HUWE1: variants seen among roughly 807,000 people sequenced by gnomAD.
The protein encoded by HUWE1 is HECT, UBA and WWE domain containing E3 ubiquitin protein ligase 1.
HUWE1 carries 18 observed loss-of-function variants against 299.4 expected under a neutral mutation model. The ratio of observed to expected loss-of-function variants is 0.06; its 90% CI spans 0.04 to 0.09. HUWE1 has a LOEUF of 0.09. Among genes scored for constraint, HUWE1 ranks in the 10% least tolerant of loss-of-function variants. The pLI is 1.00. For missense variants in HUWE1, 1,832 were observed against 3,462.3 expected, an observed-to-expected ratio of 0.53 and a Z score of 11.82; for synonymous variants, 1,317 against 1,286.1, an observed-to-expected ratio of 1.02 and a Z score of -0.51.
chrX:53,560,149 C>A (rs782053721), intron 56 of HUWE1, 39 bp downstream of exon 56: 17 of 1,092,964 alleles, frequency 1.6e-5, no homozygotes, highest in African/African-American at 5.5e-5. Context: ...AAAATTCTTA[C>A]AAGAGCTCCG....
chrX:53,542,986 T>C (rs1329459944), intron 73 of HUWE1: 2 of 119,702 alleles, frequency 1.7e-5, no homozygotes, highest in African/African-American at 6.6e-5. Flanking sequence ...CAACCTCTCA[T>C]GAGCGGGATT....
intron 28 of HUWE1, among the ~76,000 whole-genome samples, chrX:53,602,334 GTTTT>G (rs78904716): frequency 1.1e-5 from 1 of 93,601 alleles, no homozygotes; most frequent in African/African-American, 3.9e-5. Context: ...CTTCCAAAAT[GTTTT>G]TTTTTTTTTT....
rs879987940 is a variant in HUWE1 at position 53,604,752 on chromosome X, C to T, written c.2579G>A (p.Arg860His). Residue 860 changes from arginine (R) to histidine (H), a missense_variant, in exon 26 of 84, where the codon CGC becomes CAC. By Grantham distance (29) the Arg-to-His change is conservative. Around this residue, in one of 15 missense-constraint regions of HUWE1, gnomAD observed 658 missense variants for 1,282.6 expected, o/e 0.51. Transcript: ENST00000262854. ...SILSSLEPLH[R>H]PIESPGGSVL... The stretch of plus-strand genomic sequence containing the variant: ...TGAGCCCCCAGGGGATTCAATGGGG[C>T]GGTGTAAGGGCTCCAGGGAGGAGAG... 2 of 1,211,176 alleles carry T rather than the reference C, an allele frequency of 1.7e-6. No homozygotes were observed. Among genetic ancestry groups the T allele is most frequent in the East Asian group, 3.0e-5 (1 of 33,837 alleles).
intron 49 of HUWE1, among the ~76,000 whole-genome samples, chrX:53,566,270 AG>A (rs782773315): frequency 3.8e-5 from 4 of 105,497 alleles, no homozygotes; most frequent in Non-Finnish European, 7.8e-5. Flanking sequence ...GGAAGGGATA[AG>A]GTAAGCCTGG....
rs1272859181 is a variant in HUWE1 at position 53,648,550 on chromosome X, C to CA, written c.46-241dup. On this transcript the variant is annotated intron_variant, in intron 4 of 83. Coordinates refer to ENST00000262854, the MANE Select transcript of HUWE1 (RefSeq NM_031407.7). Reference sequence around the variant, plus strand: ...AAAAACAAAAAAAAACAAAAAAAAACAAAAAACAAAACAAAAACCCACCTT... The same window carrying CA: ...AAAAACAAAAAAAAACAAAAAAAAACAAAAAAACAAAACAAAAACCCACCTT... 2.6e-4 allele frequency among the ~76,000 whole-genome samples: 25 copies of CA among 96,367 alleles called. 1 individual carries two copies. The highest frequency in any genetic ancestry group is 9.5e-4 in the African/African-American group (22 of 23,083). 83.7% of individuals were successfully genotyped at this position (96,367 alleles called of 115,157 possible).
At chrX:53,553,953 T>C (rs1425491819) in intron 61 of HUWE1, among the ~76,000 whole-genome samples, 1 of 111,646 alleles carries the variant, frequency 9.0e-6, no homozygotes, top group Non-Finnish European at 1.9e-5. Flanking sequence ...ATTTATCCTG[T>C]TGAAATACTG....
At chrX:53,556,437 T>C (rs1308533921) in intron 60 of HUWE1, 6 of 314,888 alleles carry the variant, frequency 1.9e-5, no homozygotes, top group Non-Finnish European at 3.7e-5. Context: ...TCTACCCTAC[T>C]TCACTGCTTT....
chrX:53,551,246 C>A lies in HUWE1; in HGVS notation c.9096+20G>T, dbSNP rs1207621472. 7.4e-6 allele frequency: 9 copies of A among 1,208,428 alleles called. No individual in the cohort carries two copies. Among genetic ancestry groups the A allele is most frequent in the Non-Finnish European group, 8.9e-6 (8 of 894,248 alleles). ...TCTCCTGCCAGGCAGCCTGGCCCCA[C>A]CACCTTCCCGCTCACATACTTCCTC... On this transcript the variant is annotated intron_variant, in intron 64 of 83. Transcript: ENST00000262854.
rs782056280 is a variant in HUWE1 at position 53,583,871 on chromosome X, C to A, written c.5207G>T (p.Ser1736Ile). The A allele has an allele frequency of 1.7e-6, 2 of 1,207,191 alleles. No individual in the cohort carries two copies. The highest frequency in any genetic ancestry group is 1.8e-5 in the South Asian group (1 of 56,401). The change falls in exon 42 of 84, where the codon AGC becomes ATC. Residue 1736 changes from serine to isoleucine, a missense_variant. By Grantham distance (142) the Ser-to-Ile change is moderately radical (BLOSUM62 -2). Coordinates refer to ENST00000262854, the MANE Select transcript of HUWE1 (RefSeq NM_031407.7). ...LESTNTEKET[S>I]LEETKIGEIL... ...CTCCCCGATTTTTGTTTCCTCCAGG[C>A]TTGTCTCCTTTTCAGTGTTTGTACT...
chrX:53,652,464 T>C, intron 4 of HUWE1, among the ~76,000 whole-genome samples: 1 of 112,204 alleles, frequency 8.9e-6, no homozygotes, highest in Admixed American at 9.4e-5. Context: ...AGTTCTTATA[T>C]ACACTAGGAT....
chrX:53,584,790 A>G (rs782155277), intron 40 of HUWE1, among the ~76,000 whole-genome samples: 17 of 111,877 alleles, frequency 1.5e-4, no homozygotes, highest in African/African-American at 5.2e-4. Context: ...CTTTTTGATA[A>G]AGTTTACAGT....
At chrX:53,591,236 G>C in intron 33 of HUWE1, 114 bp from the exon 34 acceptor site, 3 of 798,741 alleles carry the variant, frequency 3.8e-6, no homozygotes, top group Non-Finnish European at 5.5e-6. Context: ...TCTGGGCTGA[G>C]AGCATTTATG....
chrX:53,544,569 C>CCAG lies in HUWE1; in HGVS notation c.11241_11242insCTG (p.Thr3747_Gly3748insLeu). 1 of 1,206,760 alleles carries CCAG rather than the reference C, an allele frequency of 8.3e-7. No homozygotes were observed. On this transcript the variant is annotated inframe_insertion, in exon 72 of 84. Transcript: ENST00000262854. ...CACTCTAGTTCCATACCTAGCCTGC[C>CCAG]TGTCTGCTTGGCTTTCTTGTTAGCC... is the stretch of plus-strand genomic sequence containing the variant.
At chrX:53,630,112 C>T (rs888206094) in intron 12 of HUWE1, among the ~76,000 whole-genome samples, 1 of 111,872 alleles carries the variant, frequency 8.9e-6, no homozygotes, top group Non-Finnish European at 1.9e-5. Context: ...TAATACCGGA[C>T]ACAGTACCCT....
At chrX:53,571,517 A>C (rs1405331682) in intron 47 of HUWE1, among the ~76,000 whole-genome samples, 2 of 111,496 alleles carry the variant, frequency 1.8e-5, no homozygotes, top group Non-Finnish European at 3.8e-5. Context: ...TGGGAGGATC[A>C]CTTGAGCCTG....
chrX:53,630,324 A>G (rs782244133), intron 12 of HUWE1, among the ~76,000 whole-genome samples: 1 of 111,937 alleles, frequency 8.9e-6, no homozygotes, highest in South Asian at 3.7e-4. Flanking sequence ...TTACCATTTT[A>G]TATCTTCTAT....
At chrX:53,537,726 G>C (rs1046145672) in intron 77 of HUWE1, 30 bp from the exon 78 acceptor site, 16 of 1,193,612 alleles carry the variant, frequency 1.3e-5, no homozygotes, top group Admixed American at 2.3e-5. Context: ...AGGAAGATAG[G>C]ATTAAGGGTG....
chrX:53,568,340 C>T (rs1054080102), intron 49 of HUWE1, among the ~76,000 whole-genome samples: 1 of 111,203 alleles, frequency 9.0e-6, no homozygotes, highest in African/African-American at 3.3e-5. Context: ...AAGAAAAACA[C>T]TGAATAATAA....
At chrX:53,579,357 C>A (rs2063482877) in intron 43 of HUWE1, among the ~76,000 whole-genome samples, 1 of 105,549 alleles carries the variant, frequency 9.5e-6, no homozygotes, top group Non-Finnish European at 2.0e-5. Flanking sequence ...CCAGCCGCCC[C>A]ATCCGGGAGG....
Sources: allele counts gnomAD v4.1 joint callset (sites outside exome capture counted in the v4.1 genomes callset), GRCh38; gene constraint gnomAD v4.1.1; regional missense constraint gnomAD v4.1.1; transcripts MANE v1.5; gene names NCBI Gene and HGNC (gene_info 2026-07-23, HGNC 2026-07-21).